BCLAF3: variants seen among roughly 807,000 people sequenced by gnomAD.
BCLAF3 encodes the protein BCLAF1 and THRAP3 family member 3, also known as transient octamer binding factor 1.
A neutral mutation model predicts 51.2 loss-of-function variants in BCLAF3; 24 were observed. The observed-to-expected ratio is 0.47, with a 90% CI of 0.34 to 0.66. The LOEUF is 0.66. Among genes scored for constraint, BCLAF3 ranks in the 30% least tolerant of loss-of-function variants. BCLAF3 has a pLI of 0.01. For synonymous variants in BCLAF3, 152 were observed against 176.6 expected (o/e 0.86, Z 1.10); for missense variants, 465 against 525.1 (o/e 0.89, Z 1.12).
intron 11 of BCLAF3, among the ~76,000 whole-genome samples, chrX:19,922,900 A>G (rs1048591857): frequency 1.8e-5 from 2 of 110,919 alleles, no homozygotes; most frequent in Non-Finnish European, 3.8e-5. Flanking sequence ...CATCTCAAAA[A>G]AAAAAAATTA....
At chrX:19,959,336 G>A (rs2071774054) in intron 4 of BCLAF3, among the ~76,000 whole-genome samples, 1 of 111,407 alleles carries the variant, frequency 9.0e-6, no homozygotes, top group African/African-American at 3.3e-5. Context: ...ATCGTATGCA[G>A]CTCTACAGTC....
At chrX:19,953,659 C>G in intron 6 of BCLAF3, 119 bp downstream of exon 6, 1 of 428,535 alleles carries the variant, frequency 2.3e-6, no homozygotes. Flanking sequence ...GCAGGAAATG[C>G]AATCCTACAG....
intron 4 of BCLAF3, among the ~76,000 whole-genome samples, chrX:19,963,414 A>G (rs1251950534): frequency 9.0e-6 from 1 of 110,740 alleles, no homozygotes; most frequent in Non-Finnish European, 1.9e-5. Flanking sequence ...AACTAGTAGG[A>G]GATATAATAG....
chrX:19,941,614 C>G lies in BCLAF3; in HGVS notation c.1746-4082G>C, dbSNP rs1200843006. On this transcript the variant is annotated intron_variant, in intron 8 of 11. Transcript: ENST00000379682. ...TGGCGTTATTTCTGAGGGCTCTGTT[C>G]TGTTCCATTGATCTGTATCTCTGTT... 5.5e-5 allele frequency among the ~76,000 whole-genome samples: 6 copies of G among 109,388 alleles called. No homozygotes were observed. The Admixed American group carries it at 5.8e-4, about 11-fold the overall frequency. 95.0% of individuals were successfully genotyped at this position (109,388 alleles called of 115,157 possible). A position where few individuals can be genotyped will look rare whatever the true frequency, so the allele number is the denominator to read the frequency against.
At chrX:19,963,832 A>G (rs1219751683) in intron 4 of BCLAF3, among the ~76,000 whole-genome samples, 1 of 110,292 alleles carries the variant, frequency 9.1e-6, no homozygotes, top group Non-Finnish European at 1.9e-5. Flanking sequence ...TGGGCAACAG[A>G]GCAAGATTCT....
At chrX:19,925,636 G>A (rs888484859) in intron 11 of BCLAF3, among the ~76,000 whole-genome samples, 3 of 111,415 alleles carry the variant, frequency 2.7e-5, no homozygotes, top group African/African-American at 9.8e-5. Context: ...TAAAGCTTGG[G>A]ATGAAGAGTC....
chrX:19,987,503 C>T (rs2072844793), intron 1 of BCLAF3, among the ~76,000 whole-genome samples: 1 of 111,684 alleles, frequency 9.0e-6, no homozygotes, highest in Non-Finnish European at 1.9e-5. Context: ...TGGGGTTTCA[C>T]CATGTTGGCC....
intron 9 of BCLAF3, 113 bp downstream of exon 9, chrX:19,937,305 C>G (rs971747927): frequency 7.8e-6 from 4 of 512,384 alleles, no homozygotes; most frequent in Non-Finnish European, 1.4e-5. Context: ...AATCTTATAA[C>G]ATATACTTAA....
chrX:19,979,777 G>C (rs1421080324), intron 1 of BCLAF3, among the ~76,000 whole-genome samples: 2 of 110,587 alleles, frequency 1.8e-5, no homozygotes, highest in Non-Finnish European at 3.8e-5. Context: ...GAGAGAAAAA[G>C]ACTCAACTAT....
At chrX:19,969,260 A>C (rs2072177002) in intron 2 of BCLAF3, among the ~76,000 whole-genome samples, 1 of 113,023 alleles carries the variant, frequency 8.8e-6, no homozygotes, top group Non-Finnish European at 1.9e-5. Context: ...AACTGTTGAC[A>C]AAATGATTGA....
Position 19,990,898 on chromosome X carries a change from AG to A in BCLAF3, c.-35+9del, listed in dbSNP as rs2072910851. Among the ~76,000 whole-genome samples, 1 of 96,322 alleles carries A rather than the reference AG, an allele frequency of 1.0e-5. No homozygotes were observed. 83.6% of individuals were successfully genotyped at this position (96,322 alleles called of 115,157 possible). On this transcript the variant is annotated intron_variant, in intron 1 of 11. Transcript: ENST00000379682. ...GGCCTCCTCGCCCCGCCTCCCCCCG[AG>A]CCGCTCACCCGGCCGGGAAGCCCCC...
intron 1 of BCLAF3, among the ~76,000 whole-genome samples, chrX:19,990,142 G>GAAA (rs376381001): frequency 1.2e-4 from 6 of 50,795 alleles, no homozygotes; most frequent in African/African-American, 3.7e-4. Context: ...TTTGTTCCAG[G>GAAA]AAAAAAAAAA....
chrX:19,955,116 T>G (rs968349558), intron 5 of BCLAF3, among the ~76,000 whole-genome samples: 1 of 111,422 alleles, frequency 9.0e-6, no homozygotes, highest in African/African-American at 3.3e-5. Flanking sequence ...CTGCTCTCAG[T>G]ATGCCTTTTC....
In BCLAF3 at chrX:19,974,869, G is replaced by A. The variant is rs72620219; in HGVS notation, c.-34-4571C>T. Among the ~76,000 whole-genome samples the A allele has an allele frequency of 7.1e-4, 79 of 111,298 alleles. 3 individuals are homozygous for A. The East Asian group carries it at 0.017, about 24-fold the overall frequency. ...TGGACTCCAGCCTAGGTGACAGAGT[G>A]AGACTGCATCTCAAAAAAATAAATA... On this transcript the variant is annotated intron_variant, in intron 1 of 11. Transcript: ENST00000379682.
At chrX:19,931,217 G>A (rs1324050279) in intron 10 of BCLAF3, among the ~76,000 whole-genome samples, 1 of 111,795 alleles carries the variant, frequency 8.9e-6, no homozygotes, top group African/African-American at 3.2e-5. Context: ...TGCTGGAGGT[G>A]GAAGAGGAAA....
intron 1 of BCLAF3, among the ~76,000 whole-genome samples, chrX:19,988,872 C>T (rs2072876277): frequency 9.0e-6 from 1 of 111,584 alleles, no homozygotes; most frequent in South Asian, 3.7e-4. Flanking sequence ...TTTGCCTCAC[C>T]TAGATAAGCT....
At chrX:19,966,787 T>C in intron 2 of BCLAF3, 138 bp from the exon 3 acceptor site, 1 of 503,622 alleles carries the variant, frequency 2.0e-6, no homozygotes, top group Non-Finnish European at 3.2e-6. Context: ...TTGCTACATC[T>C]GCATTCTAAA....
In BCLAF3 at chrX:19,915,503, A is replaced by C. The variant is rs1432920577; in HGVS notation, c.*1802T>G. On this transcript the variant is annotated 3_prime_UTR_variant, in exon 12 of 12. Coordinates refer to ENST00000379682, the MANE Select transcript of BCLAF3 (RefSeq NM_001367774.2). ...GACAGTGCCAAAAGAATATCCAAAT[A>C]GGGAATCAGTTGTGGAATGAATAAT... 3.6e-5 allele frequency: 4 copies of C among 112,457 alleles called. No homozygotes were observed. The East Asian group carries it at 1.1e-3, about 31-fold the overall frequency. 9.3% of individuals were successfully genotyped at this position (112,457 alleles called of 1,213,427 possible).
At chrX:19,968,982 G>A (rs756153379) in intron 2 of BCLAF3, among the ~76,000 whole-genome samples, 1 of 111,400 alleles carries the variant, frequency 9.0e-6, no homozygotes, top group South Asian at 3.8e-4. Flanking sequence ...GCGTGGTGGC[G>A]GGCACCTGTA....
Sources: gnomAD v4.1 joint callset for allele counts (sites outside exome capture counted in the v4.1 genomes callset) on GRCh38, gnomAD v4.1.1 for gene constraint, MANE v1.5 for transcripts, NCBI Gene and HGNC (gene_info 2026-07-23, HGNC 2026-07-21) for gene names.